PALM2AKAP2: variants seen among roughly 807,000 people sequenced by gnomAD.
PALM2AKAP2 encodes PALM2 and AKAP2 fusion, also known as PALM2-AKAP2 fusion protein.
In PALM2AKAP2, 37 loss-of-function variants were observed where a neutral mutation model predicts 71.5. The observed-to-expected ratio is 0.52, with a 90% CI of 0.40 to 0.68. The LOEUF (loss-of-function observed/expected upper bound fraction) is 0.68. PALM2AKAP2 is among the 30% of genes least tolerant of loss of function. The pLI is 0.00. For synonymous variants in PALM2AKAP2, 468 were observed against 478.8 expected (o/e 0.98, Z 0.29); for missense variants, 1,224 against 1,191.8 (o/e 1.03, Z -0.40).
At chr9:109,661,579 G>C (rs1827397169) in intron 1 of PALM2AKAP2, among the ~76,000 whole-genome samples, 1 of 152,306 alleles carries the variant, frequency 6.6e-6, no homozygotes, top group Admixed American at 6.5e-5. Flanking sequence ...TTGTAGTATA[G>C]TTTGAAGTCA....
At chr9:109,846,859 A>T (rs537190768) in intron 1 of PALM2AKAP2, among the ~76,000 whole-genome samples, 8 of 152,326 alleles carry the variant, frequency 5.3e-5, no homozygotes, top group African/African-American at 1.9e-4. Flanking sequence ...AATGAGCATC[A>T]GATGTGCTTT....
chr9:110,170,607 C>T (rs1587889785), exon 4 of PALM2AKAP2: 1 of 152,294 alleles, frequency 6.6e-6, no homozygotes, highest in East Asian at 1.9e-4. Flanking sequence ...GGTTGAGTCT[C>T]CTGAATATTT....
intron 1 of PALM2AKAP2, among the ~76,000 whole-genome samples, chr9:110,071,471 T>C (rs1346508935): frequency 6.6e-6 from 1 of 152,244 alleles, no homozygotes; most frequent in Non-Finnish European, 1.5e-5. Context: ...GAGGGCCACC[T>C]CTACTCATGG....
intron 1 of PALM2AKAP2, among the ~76,000 whole-genome samples, chr9:110,099,920 T>C (rs952370436): frequency 4.0e-5 from 6 of 151,492 alleles, no homozygotes; most frequent in African/African-American, 1.5e-4. Flanking sequence ...CTGGGGCATA[T>C]AATTGAGCTC....
intron 3 of PALM2AKAP2, among the ~76,000 whole-genome samples, chr9:110,159,050 C>G (rs7855791): frequency 0.58 from 88,178 of 152,006 alleles, 26,749 homozygotes; most frequent in East Asian, 0.86. Context: ...GATGAACAAA[C>G]ATTCATTTTT....
At chr9:109,891,845 G>T (rs1830097734) in intron 3 of PALM2AKAP2, among the ~76,000 whole-genome samples, 1 of 152,174 alleles carries the variant, frequency 6.6e-6, no homozygotes, top group Non-Finnish European at 1.5e-5. Context: ...TGTTATGAAA[G>T]GGTCTATGGG....
chr9:110,137,770 T>C (rs982440019), exon 2 of PALM2AKAP2: 2 of 1,614,152 alleles, frequency 1.2e-6, no homozygotes, highest in East Asian at 4.5e-5. Context: ...AGACAACCAA[T>C]GCCCTCCAGG....
chr9:110,025,341 T>G, intron 7 of PALM2AKAP2: 2 of 1,174,166 alleles, frequency 1.7e-6, no homozygotes, highest in Non-Finnish European at 2.5e-6. Context: ...CTCTCCTCTT[T>G]CCCTTTGTGT....
At chr9:110,161,060 G>A (rs1415103098) in intron 3 of PALM2AKAP2, among the ~76,000 whole-genome samples, 2 of 152,148 alleles carry the variant, frequency 1.3e-5, no homozygotes, top group African/African-American at 2.4e-5. Flanking sequence ...TTCCCCAGAC[G>A]CTACAGGAAG....
intron 1 of PALM2AKAP2, among the ~76,000 whole-genome samples, chr9:109,736,416 C>T (rs946189333): frequency 2.0e-5 from 3 of 151,440 alleles, no homozygotes; most frequent in East Asian, 1.9e-4. Context: ...TCTTCCAAAC[C>T]GAAAGTGAAT....
chr9:110,169,633 A>G (rs1231759178), exon 4 of PALM2AKAP2: 1 of 152,352 alleles, frequency 6.6e-6, no homozygotes, highest in Non-Finnish European at 1.5e-5. Flanking sequence ...TAAGGAGGTA[A>G]GAGATACTAT....
intron 3 of PALM2AKAP2, among the ~76,000 whole-genome samples, chr9:109,882,939 G>A (rs980317406): frequency 3.9e-5 from 6 of 152,178 alleles, no homozygotes; most frequent in East Asian, 1.9e-4. Flanking sequence ...GTGAACCACC[G>A]TGTCCGTCCT....
chr9:109,841,407 C>G (rs1434662551), intron 1 of PALM2AKAP2, among the ~76,000 whole-genome samples: 1 of 145,498 alleles, frequency 6.9e-6, no homozygotes, highest in Non-Finnish European at 1.5e-5. Flanking sequence ...AGGAGATATA[C>G]CTAATGTAAA....
At chr9:109,741,848 C>G (rs1362966529) in intron 1 of PALM2AKAP2, among the ~76,000 whole-genome samples, 1 of 152,194 alleles carries the variant, frequency 6.6e-6, no homozygotes, top group Non-Finnish European at 1.5e-5. Flanking sequence ...GTGAAAAACA[C>G]TGTATTTTCC....
At chr9:110,156,061 A>G (rs1170461027) in intron 2 of PALM2AKAP2, among the ~76,000 whole-genome samples, 2 of 152,154 alleles carry the variant, frequency 1.3e-5, no homozygotes, top group African/African-American at 4.8e-5. Context: ...TCCAACATAT[A>G]TTTGCAAAAT....
chr9:110,068,998 T>A (rs951786085), intron 1 of PALM2AKAP2, among the ~76,000 whole-genome samples: 5 of 152,240 alleles, frequency 3.3e-5, no homozygotes, highest in African/African-American at 1.2e-4. Flanking sequence ...GCTGACATTT[T>A]TCAGTGTTAC....
At chr9:109,812,325 G>C (rs550254378) in intron 1 of PALM2AKAP2, among the ~76,000 whole-genome samples, 1 of 152,192 alleles carries the variant, frequency 6.6e-6, no homozygotes, top group South Asian at 2.1e-4. Context: ...TCTGGATCTC[G>C]GGGTCAGGGT....
At chr9:109,923,434 T>C (rs1223372555) in intron 3 of PALM2AKAP2, among the ~76,000 whole-genome samples, 1 of 152,178 alleles carries the variant, frequency 6.6e-6, no homozygotes, top group Non-Finnish European at 1.5e-5. Context: ...ATAATCTCCC[T>C]CCAAATAAGA....
chr9:110,135,352 T>TAAA (rs72447322), intron 1 of PALM2AKAP2, among the ~76,000 whole-genome samples: 4 of 76,810 alleles, frequency 5.2e-5, no homozygotes, highest in East Asian at 3.8e-4. Context: ...CCTCCTTCCT[T>TAAA]AAAAAAAAAA....
Sources: gnomAD v4.1 joint callset for allele counts (sites outside exome capture counted in the v4.1 genomes callset) on GRCh38, gnomAD v4.1.1 for gene constraint, MANE v1.5 for transcripts, NCBI Gene and HGNC (gene_info 2026-07-23, HGNC 2026-07-21) for gene names.